The following NUCB2 variants were observed in gnomAD, a reference collection of about 807,000 sequenced individuals.
NUCB2 encodes the protein nucleobindin 2, also known as nucleobindin-2.
A neutral mutation model predicts 57.9 loss-of-function variants in NUCB2; 48 were observed. The observed-to-expected ratio is 0.83, with a 90% confidence interval of 0.66 to 1.05. NUCB2 has a LOEUF of 1.05. Among genes scored for constraint, NUCB2 ranks in the 50% least tolerant of loss-of-function variants. The pLI, the probability that NUCB2 is intolerant of heterozygous loss-of-function variation, is 0.00. For missense variants in NUCB2, 442 were observed against 476.2 expected (o/e 0.93, Z 0.67); for synonymous variants, 139 against 152.1 (o/e 0.91, Z 0.64).
chr11:17,304,688 C>T (rs1012889918), intron 5 of NUCB2, among the ~76,000 whole-genome samples: 4 of 151,878 alleles, frequency 2.6e-5, no homozygotes, highest in South Asian at 2.1e-4. Context: ...AAACTTAATC[C>T]GTAGAAATCA....
In NUCB2 at chr11:17,310,964, A is replaced by G; in HGVS notation, c.623A>G (p.Glu208Gly). ...EKRKEEESKF[E>G]EMKKKHENHP... The stretch of plus-strand genomic sequence containing the variant: ...AGAAAAGAAGAAGAGTCTAAATTTG[A>G]AGAAATGAAGAAAAAGCATGAAAAT... The change falls in exon 7 of 14, where the codon GAA becomes GGA. Residue 208 changes from glutamate to glycine, a missense_variant. Physicochemically the swap from Glu to Gly is moderately conservative, Grantham distance 98 (BLOSUM62 -2). Transcript: ENST00000529010. 6.3e-7 allele frequency: 1 copy of G among 1,584,710 alleles called. No homozygotes were observed. The highest frequency in any genetic ancestry group is 8.5e-7 in the Non-Finnish European group (1 of 1,172,886).
intron 2 of NUCB2, among the ~76,000 whole-genome samples, chr11:17,347,473 G>A (rs542143915): frequency 1.6e-4 from 25 of 152,240 alleles, no homozygotes; most frequent in Admixed American, 1.4e-3. Flanking sequence ...TGACTGAAGC[G>A]TTTCAGAATT....
At chr11:17,335,300 T>A (rs2139541477), downstream of NUCB2, among the ~76,000 whole-genome samples, 1 of 152,300 alleles carries the variant, frequency 6.6e-6, no homozygotes, top group East Asian at 1.9e-4. Flanking sequence ...AAACTGTGGT[T>A]AAATCGAATT....
chr11:17,336,821 G>T (rs1001506553), downstream of NUCB2, among the ~76,000 whole-genome samples: 4 of 137,016 alleles, frequency 2.9e-5, no homozygotes, highest in East Asian at 6.4e-4. Context: ...TTTATGCCAA[G>T]ATTTGTTTAC....
intron 4 of NUCB2, among the ~76,000 whole-genome samples, chr11:17,298,104 G>T (rs1946129658): frequency 1.3e-5 from 2 of 150,254 alleles, no homozygotes; most frequent in South Asian, 4.2e-4. Context: ...AAAAAAAAAG[G>T]GGGGCCGGGG....
chr11:17,317,974 C>CTTT (rs35264082), intron 11 of NUCB2, among the ~76,000 whole-genome samples: 48 of 109,894 alleles, frequency 4.4e-4, no homozygotes, highest in African/African-American at 1.3e-3. Context: ...AAGAAGTCAG[C>CTTT]TTTTTTTTTT....
intron 5 of NUCB2, among the ~76,000 whole-genome samples, chr11:17,307,588 G>A (rs1260933233): frequency 6.6e-6 from 1 of 151,952 alleles, no homozygotes; most frequent in Admixed American, 6.6e-5. Context: ...ATATCTTTCT[G>A]TATTAGTACA....
At chr11:17,284,696 A>G (rs1291094277) in intron 2 of NUCB2, among the ~76,000 whole-genome samples, 1 of 120,370 alleles carries the variant, frequency 8.3e-6, no homozygotes, top group Non-Finnish European at 1.7e-5. Context: ...TGTGACCATA[A>G]AAACAACCCA....
chr11:17,334,301 C>G (rs997524253), downstream of NUCB2: 3 of 152,290 alleles, frequency 2.0e-5, no homozygotes, highest in African/African-American at 7.2e-5. Context: ...GAGTAGGCTG[C>G]TGAAAGAGCT....
intron 1 of NUCB2, among the ~76,000 whole-genome samples, chr11:17,278,001 C>T (rs1023867193): frequency 5.3e-5 from 8 of 151,760 alleles, no homozygotes; most frequent in Non-Finnish European, 1.0e-4. Flanking sequence ...AACATGGAAA[C>T]TTCTATTTCT....
At chr11:17,340,878 T>C (rs1952204904) in intron 2 of NUCB2, among the ~76,000 whole-genome samples, 2 of 152,332 alleles carry the variant, frequency 1.3e-5, no homozygotes, top group African/African-American at 4.8e-5. Context: ...GGTAGCTTGA[T>C]GGGGATGGCG....
chr11:17,312,242 G>T (rs947569177), intron 10 of NUCB2, 122 bp downstream of exon 10: 3 of 551,090 alleles, frequency 5.4e-6, no homozygotes, highest in Non-Finnish European at 6.1e-6. Context: ...TTTTGTTTTT[G>T]TTTTTTTTTT....
intron 2 of NUCB2, among the ~76,000 whole-genome samples, chr11:17,284,357 C>T (rs1197099558): frequency 1.3e-5 from 2 of 151,896 alleles, no homozygotes; most frequent in South Asian, 2.1e-4. Flanking sequence ...ATAAATATAC[C>T]CTATACTTGT....
exon 2 of NUCB2, chr11:17,337,417 G>A (rs1178893133): frequency 1.3e-5 from 2 of 152,168 alleles, no homozygotes; most frequent in Non-Finnish European, 2.9e-5. Flanking sequence ...CGTTTGTCAT[G>A]CAGGATTTTT....
chr11:17,287,076 C>T, intron 2 of NUCB2, among the ~76,000 whole-genome samples: 1 of 151,520 alleles, frequency 6.6e-6, no homozygotes, highest in East Asian at 1.9e-4. Context: ...ATTTAAAAGG[C>T]AAGAAAGGAG....
At chr11:17,280,113 A>G (rs1942254517) in intron 1 of NUCB2, among the ~76,000 whole-genome samples, 1 of 152,036 alleles carries the variant, frequency 6.6e-6, no homozygotes, top group Non-Finnish European at 1.5e-5. Context: ...TTTTTTTGGC[A>G]GTGTATTTTA....
chr11:17,300,328 T>A (rs968412238), intron 4 of NUCB2, among the ~76,000 whole-genome samples: 8 of 152,194 alleles, frequency 5.3e-5, no homozygotes, highest in Non-Finnish European at 7.3e-5. Context: ...ATAGTTTTTT[T>A]AAAATATACC....
intron 2 of NUCB2, among the ~76,000 whole-genome samples, chr11:17,337,737 G>C (rs573320948): frequency 6.6e-6 from 1 of 151,916 alleles, no homozygotes. Flanking sequence ...TGTTTCAAGC[G>C]ATTCTCCTGC....
intron 2 of NUCB2, among the ~76,000 whole-genome samples, chr11:17,286,458 T>C (rs1943768556): frequency 6.6e-6 from 1 of 152,256 alleles, no homozygotes; most frequent in African/African-American, 2.4e-5. Flanking sequence ...CTGCTTACTT[T>C]GTAATTTTAC....
Sources: allele counts gnomAD v4.1 joint callset (sites outside exome capture counted in the v4.1 genomes callset), GRCh38; gene constraint gnomAD v4.1.1; transcripts MANE v1.5; gene names NCBI Gene and HGNC (gene_info 2026-07-23, HGNC 2026-07-21).